SNED1: variants seen among roughly 807,000 people sequenced by gnomAD.
SNED1 encodes the protein sushi, nidogen and EGF-like domain-containing protein 1.
A neutral mutation model predicts 166.7 loss-of-function variants in SNED1; 81 were observed. The ratio of observed to expected loss-of-function variants is 0.49; its 90% CI spans 0.41 to 0.58. The LOEUF (loss-of-function observed/expected upper bound fraction) is 0.58, where lower values mean the gene tolerates loss of function less well. Ranked by LOEUF, SNED1 falls within the 20% of genes least tolerant of loss-of-function variation. The probability of loss-of-function intolerance (pLI) is 0.00; values close to 1 mark genes in which losing one functional copy is unlikely to be tolerated. For missense variants in SNED1, 1,604 were observed against 2,000.2 expected (o/e 0.80, Z 3.78); for synonymous variants, 762 against 822.0 (o/e 0.93, Z 1.25).
intron 8 of SNED1, among the ~76,000 whole-genome samples, chr2:241,042,720 T>A (rs1355325502): frequency 6.6e-6 from 1 of 152,218 alleles, no homozygotes; most frequent in Non-Finnish European, 1.5e-5. Context: ...TCTGAGTTTT[T>A]AAAATACACT....
Position 241,071,557 on chromosome 2 carries a change from C to T in SNED1, c.3590-19C>T. On this transcript the variant is annotated intron_variant, in intron 24 of 31. Transcript: ENST00000310397. ...GAGGGCAGCCCCAGACCAGCCCCTTCCTCCTGCCTGCTCTGCAGCCCCCAG... is the reference window on the plus strand; with the variant it reads ...GAGGGCAGCCCCAGACCAGCCCCTTTCTCCTGCCTGCTCTGCAGCCCCCAG... 1 of 1,572,882 alleles carries T rather than the reference C, an allele frequency of 6.4e-7. No homozygotes were observed. The highest frequency in any genetic ancestry group is 1.3e-5 in the African/African-American group (1 of 74,388).
At chr2:241,025,647 G>A (rs926021582) in intron 1 of SNED1, among the ~76,000 whole-genome samples, 3 of 151,966 alleles carry the variant, frequency 2.0e-5, no homozygotes, top group Admixed American at 6.6e-5. Flanking sequence ...TGATCTGTTA[G>A]CATCTCTTTT....
rs1188055781 is a variant in SNED1, at chr2:241,075,209, C to T, written c.3916+1845C>T. 6.6e-6 allele frequency: 1 copy of T among 152,006 alleles called. No individual in the cohort carries two copies. Among genetic ancestry groups the T allele is most frequent in the African/African-American group, 2.4e-5 (1 of 41,338 alleles). 9.4% of individuals were successfully genotyped at this position (152,006 alleles called of 1,614,324 possible). ...TATGAGCAGTGCTGCAGTGGATGTT[C>T]CTGTACAGGTTTTCCAGTACGTGTG... On this transcript the variant is annotated intron_variant, in intron 27 of 31. Transcript: ENST00000310397. This position sits in a 1 kb window ranked among gnomAD's most constrained non-coding sequence, Gnocchi z 4.8.
chr2:241,057,219 A>T (rs1398284577), intron 16 of SNED1, among the ~76,000 whole-genome samples: 1 of 151,582 alleles, frequency 6.6e-6, no homozygotes, highest in East Asian at 2.0e-4. Flanking sequence ...TCTCTACTAA[A>T]AATACAAAAA....
At chr2:241,019,809 G>C (rs2060716558) in intron 1 of SNED1, among the ~76,000 whole-genome samples, 1 of 152,210 alleles carries the variant, frequency 6.6e-6, no homozygotes, top group South Asian at 2.1e-4. Flanking sequence ...AGTGTCTCAG[G>C]CTGTGGTCTT....
intron 29 of SNED1, among the ~76,000 whole-genome samples, chr2:241,084,594 T>C (rs902741930): frequency 1.3e-5 from 2 of 152,212 alleles, no homozygotes; most frequent in Non-Finnish European, 2.9e-5. Flanking sequence ...TTATCAGACT[T>C]TTTCCTTCCA....
intron 29 of SNED1, among the ~76,000 whole-genome samples, chr2:241,086,263 G>C (rs1293235108): frequency 6.6e-6 from 1 of 152,122 alleles, no homozygotes; most frequent in Non-Finnish European, 1.5e-5. Context: ...TTGCCTTGTG[G>C]GGATTCACCC....
upstream of SNED1, among the ~76,000 whole-genome samples, chr2:240,998,487 G>C (rs1379769517): frequency 6.6e-6 from 1 of 152,142 alleles, no homozygotes; most frequent in African/African-American, 2.4e-5. Flanking sequence ...CACGCCAGGG[G>C]ACTGAGCTCC....
intron 8 of SNED1, 31 bp from the exon 9 acceptor site, chr2:241,048,284 T>A: frequency 6.4e-7 from 1 of 1,568,158 alleles, no homozygotes; most frequent in Non-Finnish European, 8.6e-7. Flanking sequence ...ATTCCCTGCG[T>A]GGCCGCTGGT....
At chr2:241,038,007 TC>T (rs1322837516) in intron 6 of SNED1, among the ~76,000 whole-genome samples, 1 of 151,606 alleles carries the variant, frequency 6.6e-6, no homozygotes, top group Non-Finnish European at 1.5e-5. Context: ...TTACTGCCCT[TC>T]CCCCGGCACC....
At chr2:241,067,536 G>A (rs775801064) in intron 21 of SNED1, among the ~76,000 whole-genome samples, 25 of 152,160 alleles carry the variant, frequency 1.6e-4, no homozygotes, top group African/African-American at 6.0e-4. Flanking sequence ...GGCCCACAGC[G>A]GGCTCTGCAG....
chr2:241,036,741 C>T (rs374218670), intron 4 of SNED1, 49 bp from the exon 5 acceptor site: 377 of 1,598,358 alleles, frequency 2.4e-4, no homozygotes, highest in Non-Finnish European at 3.0e-4. Context: ...GCTCTCCTGC[C>T]GAGTCCGGAG....
rs1491387361 is a variant in SNED1, at chr2:241,024,236, T to TTTA, written c.214-6046_214-6045insATT. Reference sequence around the variant, plus strand: ...TGTAGTTGTATTTCACTCTACTACCTTTTTTTTTTTTTTTTTTTTTTTTTT... The same window carrying TTTA: ...TGTAGTTGTATTTCACTCTACTACCTTTATTTTTTTTTTTTTTTTTTTTTTTTT... On this transcript the variant is annotated intron_variant, in intron 1 of 31. Coordinates refer to ENST00000310397, the MANE Select transcript of SNED1 (RefSeq NM_001080437.3). Among the ~76,000 whole-genome samples the TTTA allele has an allele frequency of 5.2e-3, 186 of 35,900 alleles. 4 individuals carry two copies. Among genetic ancestry groups the TTTA allele is most frequent in the African/African-American group, 0.016 (169 of 10,280 alleles). 23.6% of individuals were successfully genotyped at this position (35,900 alleles called of 152,430 possible).
intron 6 of SNED1, among the ~76,000 whole-genome samples, chr2:241,039,755 G>C (rs1469548457): frequency 6.6e-6 from 1 of 152,148 alleles, no homozygotes; most frequent in East Asian, 1.9e-4. Context: ...TGGAATAAGA[G>C]CCACCTAGGG....
intron 16 of SNED1, among the ~76,000 whole-genome samples, chr2:241,056,694 C>T (rs113569152): frequency 1.3e-5 from 2 of 150,942 alleles, no homozygotes; most frequent in Admixed American, 6.6e-5. Flanking sequence ...CATTCTCCTG[C>T]CTCAGCCTCC....
chr2:241,039,284 G>A (rs2061458139), intron 6 of SNED1, among the ~76,000 whole-genome samples: 1 of 152,166 alleles, frequency 6.6e-6, no homozygotes, highest in Non-Finnish European at 1.5e-5. Context: ...CACACCTCCT[G>A]GGGGAGTAGT....
rs1055117741 is a variant in SNED1, at chr2:241,064,824, G to A, written c.2600-20G>A. The A allele has an allele frequency of 7.7e-6, 12 of 1,552,550 alleles. No individual in the cohort carries two copies. The highest frequency in any genetic ancestry group is 1.0e-5 in the Non-Finnish European group (12 of 1,150,700). On this transcript the variant is annotated intron_variant, in intron 19 of 31. Coordinates refer to ENST00000310397, the MANE Select transcript of SNED1 (RefSeq NM_001080437.3). The surrounding 1 kb of genome is among the most constrained non-coding windows in gnomAD (Gnocchi z 7.0). The stretch of plus-strand genomic sequence containing the variant: ...CCCTGGCCACGCCCCAACATACACT[G>A]CCACTTTTTCTCCCCTCAGTGAGTG...
intron 29 of SNED1, among the ~76,000 whole-genome samples, chr2:241,084,134 AT>A (rs368364855): frequency 0.043 from 5,322 of 123,222 alleles, 252 homozygotes; most frequent in African/African-American, 0.15. Flanking sequence ...AGCGTCTAGG[AT>A]TTTTTTTTTT....
intron 27 of SNED1, among the ~76,000 whole-genome samples, chr2:241,076,703 G>A (rs1193278436): frequency 6.6e-6 from 1 of 152,220 alleles, no homozygotes; most frequent in African/African-American, 2.4e-5. Context: ...TGTTGGTGTG[G>A]TAATGGGTTA....
Sources: gnomAD v4.1 joint callset for allele counts (sites outside exome capture counted in the v4.1 genomes callset) on GRCh38, gnomAD v4.1.1 for gene constraint, Gnocchi (gnomAD v3.1) non-coding constraint, MANE v1.5 for transcripts, NCBI Gene and HGNC (gene_info 2026-07-23, HGNC 2026-07-21) for gene names.